Variants in FBXL17 observed in about 807,000 individuals in gnomAD.
The protein encoded by FBXL17 is F-box/LRR-repeat protein 17.
In FBXL17, 22 loss-of-function variants were observed where a neutral mutation model predicts 66.2. That is an observed-to-expected ratio of 0.33 (90% CI 0.24 to 0.47). The LOEUF (loss-of-function observed/expected upper bound fraction) is 0.47, where lower values mean the gene tolerates loss of function less well. FBXL17 is among the 20% of genes least tolerant of loss of function. The pLI, the probability that FBXL17 is intolerant of heterozygous loss-of-function variation, is 1.00. For missense variants in FBXL17, 878 were observed against 948.2 expected (o/e 0.93, Z 0.97); for synonymous variants, 474 against 400.5 (o/e 1.18, Z -2.19).
intron 5 of FBXL17, among the ~76,000 whole-genome samples, chr5:108,192,681 A>T (rs1394912015): frequency 6.6e-6 from 1 of 152,124 alleles, no homozygotes; most frequent in Admixed American, 6.6e-5. Context: ...AATCCCAGCT[A>T]CTCAGGAGGC....
At chr5:108,301,737 T>C (rs1290662963) in intron 4 of FBXL17, among the ~76,000 whole-genome samples, 1 of 151,522 alleles carries the variant, frequency 6.6e-6, no homozygotes, top group Non-Finnish European at 1.5e-5. Context: ...TTAATAACTA[T>C]CCACCAAGAG....
At chr5:107,933,977 G>C (rs1389619078) in intron 7 of FBXL17, among the ~76,000 whole-genome samples, 1 of 152,082 alleles carries the variant, frequency 6.6e-6, no homozygotes, top group Non-Finnish European at 1.5e-5. Context: ...CTCCTTTTGA[G>C]TATAAGGCAT....
intron 6 of FBXL17, among the ~76,000 whole-genome samples, chr5:108,091,270 A>C (rs938207730): frequency 2.0e-5 from 3 of 152,260 alleles, no homozygotes; most frequent in African/African-American, 7.2e-5. Context: ...TACCAACAAC[A>C]GTATTTAACA....
At chr5:108,219,433 C>A (rs1754752745) in intron 5 of FBXL17, among the ~76,000 whole-genome samples, 1 of 152,118 alleles carries the variant, frequency 6.6e-6, no homozygotes, top group South Asian at 2.1e-4. Context: ...CGCCTGTAAT[C>A]TCAGCACTTT....
At position 108,316,317 on chromosome 5, in the gene FBXL17, C is replaced by T. The variant is rs1580802816; in HGVS notation, c.1506+32082G>A. Among the ~76,000 whole-genome samples the T allele has an allele frequency of 2.0e-5, 3 of 151,410 alleles. No homozygotes were observed. In the South Asian group the frequency reaches 6.2e-4, roughly 31 times the overall value. ...GGAAGAATTCAATGTGAACTATAAA[C>T]CATTTTTATACGGCAATATCAATTT... On this transcript the variant is annotated intron_variant, in intron 4 of 8. Coordinates refer to ENST00000542267, the MANE Select transcript of FBXL17 (RefSeq NM_001163315.3).
intron 7 of FBXL17, among the ~76,000 whole-genome samples, chr5:107,922,327 A>C (rs192072177): frequency 4.7e-4 from 71 of 152,268 alleles, no homozygotes; most frequent in African/African-American, 1.6e-3. Context: ...TTTTTTCCTA[A>C]AAATACTGCT....
chr5:108,037,262 G>C (rs10076369), intron 6 of FBXL17, among the ~76,000 whole-genome samples: 49,266 of 151,896 alleles, frequency 0.32, 9,406 homozygotes, highest in Admixed American at 0.43. Context: ...TTAATTTCAA[G>C]AAACTCATTT....
intron 7 of FBXL17, among the ~76,000 whole-genome samples, chr5:107,898,340 C>CTCCA (rs1296431403): frequency 6.6e-6 from 1 of 152,068 alleles, no homozygotes; most frequent in Non-Finnish European, 1.5e-5. Context: ...CTTACCTGTA[C>CTCCA]TCCACCTCTT....
intron 7 of FBXL17, among the ~76,000 whole-genome samples, chr5:107,950,321 A>C (rs1751455229): frequency 6.6e-6 from 1 of 152,224 alleles, no homozygotes; most frequent in Admixed American, 6.5e-5. Context: ...TCTCAGAGAA[A>C]ATAAAAATAT....
intron 4 of FBXL17, among the ~76,000 whole-genome samples, chr5:108,291,732 T>C (rs1758120626): frequency 6.6e-6 from 1 of 152,118 alleles, no homozygotes; most frequent in Non-Finnish European, 1.5e-5. Context: ...TGTTTACTAC[T>C]GAAGTCCTCC....
intron 5 of FBXL17, among the ~76,000 whole-genome samples, chr5:108,191,629 G>A (rs1294949185): frequency 6.6e-6 from 1 of 152,166 alleles, no homozygotes; most frequent in Non-Finnish European, 1.5e-5. Context: ...CTATTTTATA[G>A]ACTTGTGAAA....
chr5:107,936,307 T>C (rs1750907747), intron 7 of FBXL17, among the ~76,000 whole-genome samples: 1 of 152,158 alleles, frequency 6.6e-6, no homozygotes, highest in Admixed American at 6.6e-5. Context: ...TTTCAAATTC[T>C]TAATAGCTGA....
chr5:108,292,118 C>G (rs1047638287), intron 4 of FBXL17, among the ~76,000 whole-genome samples: 5 of 148,568 alleles, frequency 3.4e-5, no homozygotes, highest in Non-Finnish European at 7.5e-5. Flanking sequence ...AACATAGCAA[C>G]GAAAAAGCTT....
At chr5:108,132,694 G>A (rs771784647) in intron 6 of FBXL17, among the ~76,000 whole-genome samples, 2 of 152,130 alleles carry the variant, frequency 1.3e-5, no homozygotes, top group African/African-American at 2.4e-5. Flanking sequence ...AAACACCTTT[G>A]CCTTCATTAT....
chr5:108,244,360 C>T (rs1755997837), intron 4 of FBXL17, among the ~76,000 whole-genome samples: 1 of 152,062 alleles, frequency 6.6e-6, no homozygotes, highest in African/African-American at 2.4e-5. Context: ...TATGAAATTA[C>T]TGGAATGTGT....
chr5:108,000,280 A>T (rs2112713873), intron 7 of FBXL17, among the ~76,000 whole-genome samples: 1 of 152,358 alleles, frequency 6.6e-6, no homozygotes, highest in Middle Eastern at 3.4e-3. Context: ...AGCTTCTTAT[A>T]CGCATACTGC....
intron 4 of FBXL17, among the ~76,000 whole-genome samples, chr5:108,273,564 T>G (rs1757364018): frequency 6.6e-6 from 1 of 151,602 alleles, no homozygotes; most frequent in African/African-American, 2.4e-5. Context: ...TCAAAATTTG[T>G]ACAATATTTC....
chr5:108,304,212 T>A (rs893561297), intron 4 of FBXL17, among the ~76,000 whole-genome samples: 2 of 152,044 alleles, frequency 1.3e-5, no homozygotes, highest in Non-Finnish European at 2.9e-5. Context: ...AATTTTTATC[T>A]ACTACCGTAT....
chr5:108,336,085 T>G (rs1017798785), intron 4 of FBXL17, among the ~76,000 whole-genome samples: 39 of 152,172 alleles, frequency 2.6e-4, no homozygotes, highest in African/African-American at 9.2e-4. Flanking sequence ...TGGACATTCT[T>G]TTCCCATTTT....
Sources: allele counts gnomAD v4.1 joint callset (sites outside exome capture counted in the v4.1 genomes callset), GRCh38; gene constraint gnomAD v4.1.1; transcripts MANE v1.5; gene names NCBI Gene and HGNC (gene_info 2026-07-23, HGNC 2026-07-21).